Variants in HMCN1 observed in about 807,000 individuals in gnomAD.
HMCN1 encodes the protein hemicentin 1.
A neutral mutation model predicts 625.9 loss-of-function variants in HMCN1; 321 were observed. That is an observed-to-expected ratio of 0.51 (90% CI 0.47 to 0.56). The LOEUF (loss-of-function observed/expected upper bound fraction) is 0.56, where lower values mean the gene tolerates loss of function less well. HMCN1 is among the 20% of genes least tolerant of loss of function. The pLI, the probability that HMCN1 is intolerant of heterozygous loss-of-function variation, is 0.00. For synonymous variants in HMCN1, 2,425 were observed against 2,417.6 expected, an observed-to-expected ratio of 1.00 and a Z score of -0.09; for missense variants, 6,588 against 6,887.3, an observed-to-expected ratio of 0.96 and a Z score of 1.54.
chr1:186,178,370 T>C, intron 103 of HMCN1, 46 bp from the exon 104 acceptor site: 2 of 1,316,964 alleles, frequency 1.5e-6, no homozygotes, highest in East Asian at 4.6e-5. Context: ...TGTGTGTGTA[T>C]GTATGTGTCT....
chr1:186,159,558 G>A (rs1222562867), intron 97 of HMCN1, among the ~76,000 whole-genome samples: 1 of 152,182 alleles, frequency 6.6e-6, no homozygotes, highest in Non-Finnish European at 1.5e-5. Context: ...CTGTGGGTTT[G>A]TCATAGATAG....
intron 41 of HMCN1, 150 bp from the exon 42 acceptor site, chr1:186,048,593 G>A (rs74134302): frequency 6.2e-6 from 4 of 640,640 alleles, no homozygotes; most frequent in Non-Finnish European, 1.1e-5. Flanking sequence ...TGGGTGATGG[G>A]TATATAGCCA....
At chr1:185,932,143 C>T (rs918746812) in intron 10 of HMCN1, among the ~76,000 whole-genome samples, 5 of 152,100 alleles carry the variant, frequency 3.3e-5, no homozygotes, top group African/African-American at 1.2e-4. Flanking sequence ...GCTTCCTTTA[C>T]CTGTATTCTT....
At chr1:186,121,614 A>T (rs12565788) in intron 80 of HMCN1, among the ~76,000 whole-genome samples, 77 of 152,066 alleles carry the variant, frequency 5.1e-4, no homozygotes, top group African/African-American at 1.8e-3. Context: ...GAAGGAAACC[A>T]TGATTTCTGT....
At chr1:185,783,952 C>G (rs971290559) in intron 1 of HMCN1, among the ~76,000 whole-genome samples, 1 of 152,254 alleles carries the variant, frequency 6.6e-6, no homozygotes, top group African/African-American at 2.4e-5. Context: ...GAGGTAGAGT[C>G]TACAGAGGCA....
intron 2 of HMCN1, among the ~76,000 whole-genome samples, chr1:185,851,552 G>A (rs1662162537): frequency 6.6e-6 from 1 of 152,058 alleles, no homozygotes; most frequent in Admixed American, 6.6e-5. Context: ...AAACAACTGT[G>A]CTTTCTCTCT....
At chr1:185,895,942 A>T (rs1051932369) in intron 4 of HMCN1, among the ~76,000 whole-genome samples, 1 of 146,464 alleles carries the variant, frequency 6.8e-6, no homozygotes, top group Non-Finnish European at 1.5e-5. Flanking sequence ...TCATTTAATA[A>T]TTTTTTTTTT....
chr1:186,044,426 G>C (rs1421441164), intron 40 of HMCN1, among the ~76,000 whole-genome samples: 1 of 152,064 alleles, frequency 6.6e-6, no homozygotes, highest in Non-Finnish European at 1.5e-5. Context: ...AGTGCTCTTT[G>C]GTTCATACCC....
In HMCN1 at chr1:186,045,833, C is replaced by T; in HGVS notation, c.6450C>T (p.Leu2150=). 1 of 1,612,354 alleles carries T rather than the reference C, an allele frequency of 6.2e-7. No individual in the cohort carries two copies. The highest frequency in any genetic ancestry group is 8.5e-7 in the Non-Finnish European group (1 of 1,178,698). ...ACCCCTTGCTGAAGAAACCAGGCCT[C>T]AGTATATCTGAAAATAGAAGTGTGT... is the stretch of plus-strand genomic sequence containing the variant. The part of the protein sequence containing the change: ...DGHPLLKKPG[L]SISENRSVLK... The change falls in exon 41 of 107, where the codon CTC becomes CTT. Residue 2150 remains leucine (L), a synonymous_variant. Transcript: ENST00000271588.
intron 4 of HMCN1, among the ~76,000 whole-genome samples, chr1:185,882,052 C>T (rs1046883412): frequency 6.6e-6 from 1 of 152,182 alleles, no homozygotes; most frequent in African/African-American, 2.4e-5. Flanking sequence ...AAAGGACTAA[C>T]ATCCAAATGG....
intron 57 of HMCN1, among the ~76,000 whole-genome samples, chr1:186,084,897 C>T (rs1048428626): frequency 2.6e-5 from 4 of 151,988 alleles, no homozygotes; most frequent in Admixed American, 6.6e-5. Context: ...AGGCGAGGCT[C>T]GGTGAGATTA....
intron 1 of HMCN1, among the ~76,000 whole-genome samples, chr1:185,825,281 G>A (rs1468945252): frequency 6.6e-6 from 1 of 152,096 alleles, no homozygotes; most frequent in Non-Finnish European, 1.5e-5. Context: ...TAGTATAATA[G>A]CAAAGGTCTT....
chr1:185,785,832 A>T (rs1214895664), intron 1 of HMCN1, among the ~76,000 whole-genome samples: 2 of 152,122 alleles, frequency 1.3e-5, no homozygotes, highest in African/African-American at 4.8e-5. Context: ...GGAAATAGTC[A>T]TTTTCTTTAG....
At chr1:186,055,761 A>G (rs961911708) in intron 45 of HMCN1, 87 bp downstream of exon 45, 2 of 1,290,964 alleles carry the variant, frequency 1.5e-6, no homozygotes, top group African/African-American at 2.9e-5. Flanking sequence ...AAGTACTGAA[A>G]GTCATTTATT....
intron 1 of HMCN1, among the ~76,000 whole-genome samples, chr1:185,768,529 G>T (rs1267622508): frequency 1.3e-5 from 2 of 152,184 alleles, no homozygotes; most frequent in African/African-American, 4.8e-5. Flanking sequence ...CATCTGCCAC[G>T]TGAATGAATG....
intron 2 of HMCN1, among the ~76,000 whole-genome samples, chr1:185,861,113 C>T (rs1662838710): frequency 6.6e-6 from 1 of 152,114 alleles, no homozygotes; most frequent in Non-Finnish European, 1.5e-5. Context: ...GTGGTCTCTA[C>T]AGTCTACTCC....
At chr1:185,903,557 C>T (rs530306780) in intron 4 of HMCN1, among the ~76,000 whole-genome samples, 1 of 151,790 alleles carries the variant, frequency 6.6e-6, no homozygotes. Context: ...TTTATGAGCA[C>T]TTACTATTGT....
chr1:186,027,164 C>G (rs563355449), intron 36 of HMCN1, among the ~76,000 whole-genome samples: 1 of 152,246 alleles, frequency 6.6e-6, no homozygotes, highest in South Asian at 2.1e-4. Flanking sequence ...GACTAGGAGA[C>G]CACGTCATGA....
chr1:185,780,393 G>A (rs1164607916), intron 1 of HMCN1, among the ~76,000 whole-genome samples: 7 of 152,198 alleles, frequency 4.6e-5, no homozygotes, highest in African/African-American at 1.4e-4. Context: ...TGTTGAATAG[G>A]AGAGGTGAGA....
Sources: gnomAD v4.1 joint callset for allele counts (sites outside exome capture counted in the v4.1 genomes callset) on GRCh38, gnomAD v4.1.1 for gene constraint, MANE v1.5 for transcripts, NCBI Gene and HGNC (gene_info 2026-07-23, HGNC 2026-07-21) for gene names.